Variants in DYNC1I2 observed in about 807,000 individuals in gnomAD.
DYNC1I2 encodes the protein dynein cytoplasmic 1 intermediate chain 2.
A neutral mutation model predicts 88.6 loss-of-function variants in DYNC1I2; 53 were observed. That is an observed-to-expected ratio of 0.60 (90% CI 0.48 to 0.75). The LOEUF (loss-of-function observed/expected upper bound fraction) is 0.75, where lower values mean the gene tolerates loss of function less well. Among genes scored for constraint, DYNC1I2 ranks in the 30% least tolerant of loss-of-function variants. The pLI, the probability that DYNC1I2 is intolerant of heterozygous loss-of-function variation, is 0.00. For missense variants in DYNC1I2, 458 were observed against 766.6 expected (o/e 0.60, Z 4.75); for synonymous variants, 198 against 254.6 (o/e 0.78, Z 2.12).
In DYNC1I2 at chr2:171,703,397, A is replaced by T. The variant is rs555434945; in HGVS notation, c.227-3150A>T. On this transcript the variant is annotated intron_variant, in intron 3 of 17. Transcript: ENST00000397119. Reference sequence around the variant, plus strand: ...ACTACAGCCATGCGCCACCATGCCCAGCTGATTTTTTGTAGAGACAGAGTC... The same window carrying T: ...ACTACAGCCATGCGCCACCATGCCCTGCTGATTTTTTGTAGAGACAGAGTC... Among the ~76,000 whole-genome samples, 111 of 144,830 alleles carry T rather than the reference A, an allele frequency of 7.7e-4. 3 individuals are homozygous for T. Among genetic ancestry groups the T allele is most frequent in the East Asian group, 7.4e-3 (37 of 5,030 alleles).
intron 15 of DYNC1I2, among the ~76,000 whole-genome samples, chr2:171,740,070 TTGC>T (rs1359177651): frequency 6.6e-6 from 1 of 152,120 alleles, no homozygotes; most frequent in African/African-American, 2.4e-5. Context: ...CTTTTTTTTC[TTGC>T]TGTTTTATTC....
At chr2:171,741,061 C>A (rs1689390952) in intron 15 of DYNC1I2, among the ~76,000 whole-genome samples, 1 of 152,128 alleles carries the variant, frequency 6.6e-6, no homozygotes, top group Admixed American at 6.5e-5. Context: ...TGGAATCTTG[C>A]AATTGTGTAC....
intron 16 of DYNC1I2, among the ~76,000 whole-genome samples, chr2:171,745,118 T>A (rs1559411649): frequency 2.6e-5 from 4 of 152,236 alleles, no homozygotes; most frequent in Non-Finnish European, 5.9e-5. Flanking sequence ...AATTTCAAAA[T>A]TTTTTAAAAA....
chr2:171,703,996 A>C (rs1180415861), intron 3 of DYNC1I2, among the ~76,000 whole-genome samples: 1 of 152,166 alleles, frequency 6.6e-6, no homozygotes, highest in Non-Finnish European at 1.5e-5. Context: ...TTTCTTCCTG[A>C]TAAAAACCCC....
intron 3 of DYNC1I2, among the ~76,000 whole-genome samples, chr2:171,705,128 A>G (rs1036540283): frequency 5.9e-5 from 9 of 151,860 alleles, no homozygotes; most frequent in Admixed American, 4.6e-4. Context: ...AAACTGTGAT[A>G]ATATGGTAGC....
chr2:171,721,977 A>T (rs1687932906), intron 7 of DYNC1I2, among the ~76,000 whole-genome samples: 1 of 152,188 alleles, frequency 6.6e-6, no homozygotes, highest in Non-Finnish European at 1.5e-5. Flanking sequence ...GTAATATTTT[A>T]AAATAATTCA....
At chr2:171,747,207 T>TTTTA (rs1553598931) in intron 17 of DYNC1I2, among the ~76,000 whole-genome samples, 1 of 124,702 alleles carries the variant, frequency 8.0e-6, no homozygotes. Flanking sequence ...AAAAAAAAAA[T>TTTTA]TATATATATA....
intron 2 of DYNC1I2, among the ~76,000 whole-genome samples, chr2:171,691,862 TAAAAA>T (rs1685426378): frequency 6.6e-6 from 1 of 152,172 alleles, no homozygotes. Context: ...ACAAAGTTTA[TAAAAA>T]TGTTACAAGA....
At position 171,749,016 on chromosome 2, in the gene DYNC1I2, C is replaced by G. The variant is rs567262357; in HGVS notation, c.*1127C>G. Among the ~76,000 whole-genome samples, 2 of 150,652 alleles carry G rather than the reference C, an allele frequency of 1.3e-5. No homozygotes were observed. The highest frequency in any genetic ancestry group is 4.8e-4 in the East Asian group (2 of 4,138). On this transcript the variant is annotated 3_prime_UTR_variant, in exon 18 of 18. Coordinates refer to ENST00000397119, the MANE Select transcript of DYNC1I2 (RefSeq NM_001378.3). ...TATTTGATCCCAACCTTTTGTACTT[C>G]TGAAGTGTAACTGTCTTTTATTCAA...
At chr2:171,725,424 T>G (rs1688170342) in intron 7 of DYNC1I2, among the ~76,000 whole-genome samples, 194 bp from the exon 8 acceptor site, 1 of 152,120 alleles carries the variant, frequency 6.6e-6, no homozygotes, top group Non-Finnish European at 1.5e-5. Context: ...CACTTAACTA[T>G]TTGATTATGT....
intron 15 of DYNC1I2, among the ~76,000 whole-genome samples, chr2:171,741,110 C>A (rs1689396105): frequency 6.6e-6 from 1 of 152,100 alleles, no homozygotes; most frequent in African/African-American, 2.4e-5. Context: ...CAAGGGTCAT[C>A]CTTCATATTG....
At chr2:171,736,111 T>C (rs1688986961) in intron 15 of DYNC1I2, among the ~76,000 whole-genome samples, 1 of 152,192 alleles carries the variant, frequency 6.6e-6, no homozygotes, top group Admixed American at 6.5e-5. Context: ...AAGTTCATAC[T>C]AGTCCTTAGA....
At chr2:171,694,794 C>T (rs1685641741) in intron 3 of DYNC1I2, among the ~76,000 whole-genome samples, 1 of 152,166 alleles carries the variant, frequency 6.6e-6, no homozygotes, top group Non-Finnish European at 1.5e-5. Context: ...ATGTCTCATG[C>T]AGTGAGCAAG....
At chr2:171,744,234 G>A in intron 16 of DYNC1I2, 45 bp downstream of exon 16, 1 of 1,541,050 alleles carries the variant, frequency 6.5e-7, no homozygotes, top group East Asian at 2.3e-5. Flanking sequence ...ATAGAAAATT[G>A]GATATTTATT....
rs1690006908 is a variant in DYNC1I2 at position 171,750,140 on chromosome 2, T to G, written c.*2251T>G. On this transcript the variant is annotated 3_prime_UTR_variant, in exon 18 of 18. Coordinates refer to ENST00000397119, the MANE Select transcript of DYNC1I2 (RefSeq NM_001378.3). ...AGCTTCACAGACAATTAACTTGCAATAAATCTCTGAAATAATCATTTTTTG... is the reference window on the plus strand; with the variant it reads ...AGCTTCACAGACAATTAACTTGCAAGAAATCTCTGAAATAATCATTTTTTG... 6.6e-6 allele frequency among the ~76,000 whole-genome samples: 1 copy of G among 152,210 alleles called. No individual in the cohort carries two copies. Among genetic ancestry groups the G allele is most frequent in the Non-Finnish European group, 1.5e-5 (1 of 68,020 alleles).
chr2:171,747,827 G>T lies in DYNC1I2; in HGVS notation c.1855G>T (p.Ala619Ser). The T allele has an allele frequency of 2.5e-6, 4 of 1,611,442 alleles. No homozygotes were observed. The highest frequency in any genetic ancestry group is 3.4e-6 in the Non-Finnish European group (4 of 1,179,520). ...DEWARFGRTL[A>S]EINANRADAE... ...ATGGGCACGGTTTGGCCGAACACTT[G>T]CAGAAATTAATGCAAACCGAGCTGA... Residue 619 changes from alanine to serine, a missense_variant, in exon 18 of 18, where the codon GCA becomes TCA. Coordinates refer to ENST00000397119, the MANE Select transcript of DYNC1I2 (RefSeq NM_001378.3).
At chr2:171,701,998 T>C (rs1018792323) in intron 3 of DYNC1I2, among the ~76,000 whole-genome samples, 29 of 152,246 alleles carry the variant, frequency 1.9e-4, no homozygotes, top group African/African-American at 6.0e-4. Context: ...TAAATAAATA[T>C]GCTTTGAAAA....
At chr2:171,716,147 T>G (rs1004415710) in intron 7 of DYNC1I2, among the ~76,000 whole-genome samples, 1 of 152,138 alleles carries the variant, frequency 6.6e-6, no homozygotes, top group Non-Finnish European at 1.5e-5. Flanking sequence ...CCTAATACAC[T>G]TCACAGTGTC....
chr2:171,743,675 T>C (rs1266696106), intron 15 of DYNC1I2, among the ~76,000 whole-genome samples: 1 of 152,242 alleles, frequency 6.6e-6, no homozygotes, highest in Admixed American at 6.5e-5. Flanking sequence ...GAATCTTTGC[T>C]CTTCCTGCCC....
Sources: gnomAD v4.1 joint callset for allele counts (sites outside exome capture counted in the v4.1 genomes callset) on GRCh38, gnomAD v4.1.1 for gene constraint, MANE v1.5 for transcripts, NCBI Gene and HGNC (gene_info 2026-07-23, HGNC 2026-07-21) for gene names.